SCAMP2: variants seen among roughly 807,000 people sequenced by gnomAD.
The protein encoded by SCAMP2 is secretory carrier membrane protein 2, also known as secretory carrier-associated membrane protein 2.
SCAMP2 carries 25 observed loss-of-function variants against 44.1 expected under a neutral mutation model. The ratio of observed to expected loss-of-function variants is 0.57; its 90% CI spans 0.41 to 0.79. SCAMP2 has a LOEUF of 0.79. Ranked by LOEUF, SCAMP2 falls within the 30% of genes least tolerant of loss-of-function variation. The pLI is 0.00. For synonymous variants in SCAMP2, 156 were observed against 166.0 expected, an observed-to-expected ratio of 0.94 and a Z score of 0.46; for missense variants, 355 against 411.0, an observed-to-expected ratio of 0.86 and a Z score of 1.18.
At chr15:74,867,400 C>T (rs939817036) in intron 1 of SCAMP2, among the ~76,000 whole-genome samples, 1 of 152,240 alleles carries the variant, frequency 6.6e-6, no homozygotes, top group Non-Finnish European at 1.5e-5. Context: ...GTTCACCTAT[C>T]TCTCTACCCA....
In SCAMP2 at chr15:74,852,158, A is replaced by G; in HGVS notation, c.254T>C (p.Leu85Pro). The stretch of plus-strand genomic sequence containing the variant: ...GTCCAGTTCTTCCTGCTGCCGGAGC[A>G]GGCCTGCCTGGGCTGCAGACACCAC... ...QAVVSAAQAG[L>P]LRQQEELDRK... The change falls in exon 4 of 9, where the codon CTG (leucine) becomes CCG (proline). Residue 85 changes from leucine (L) to proline (P), a missense_variant. Physicochemically the swap from Leu to Pro is moderately conservative, Grantham distance 98. Coordinates refer to ENST00000268099, the MANE Select transcript of SCAMP2 (RefSeq NM_005697.5). The G allele has an allele frequency of 6.3e-7, 1 of 1,575,276 alleles. No individual in the cohort carries two copies. Among genetic ancestry groups the G allele is most frequent in the East Asian group, 2.4e-5 (1 of 41,420 alleles).
intron 1 of SCAMP2, 120 bp downstream of exon 1, chr15:74,873,079 C>G (rs1032797712): frequency 2.3e-6 from 2 of 866,698 alleles, no homozygotes; most frequent in Admixed American, 8.5e-5. Flanking sequence ...AGCCCGCTCT[C>G]CCATTGGGCA....
In SCAMP2 at chr15:74,871,901, C is replaced by T. The variant is rs190569825; in HGVS notation, c.57+1298G>A. Among the ~76,000 whole-genome samples the T allele has an allele frequency of 4.6e-3, 672 of 146,862 alleles. 3 individuals are homozygous for T. The highest frequency in any genetic ancestry group is 7.6e-3 in the Non-Finnish European group (504 of 66,608). On this transcript the variant is annotated intron_variant, in intron 1 of 8. Coordinates refer to ENST00000268099, the MANE Select transcript of SCAMP2 (RefSeq NM_005697.5). ...CTCTACTAAAAATACAAAAATTAGC[C>T]GGGTGTGGTGGTGCACACCTGTAAT...
chr15:74,865,785 C>CAA (rs768984095), intron 1 of SCAMP2, among the ~76,000 whole-genome samples: 41,014 of 90,488 alleles, frequency 0.45, 11,015 homozygotes, highest in Non-Finnish European at 0.53. Flanking sequence ...CTCATTTCTC[C>CAA]AAAAAAAAAA....
intron 2 of SCAMP2, among the ~76,000 whole-genome samples, 161 bp downstream of exon 2, chr15:74,854,420 T>C (rs562411054): frequency 6.6e-6 from 1 of 152,310 alleles, no homozygotes; most frequent in South Asian, 2.1e-4. Context: ...TTTGGTGGCT[T>C]TGCCATCCTT....
chr15:74,845,619 G>T, intron 7 of SCAMP2, 26 bp from the exon 8 acceptor site: 1 of 1,612,626 alleles, frequency 6.2e-7, no homozygotes, highest in Non-Finnish European at 8.5e-7. Context: ...GAGGCCAGAG[G>T]GAGCAAAGTG....
chr15:74,858,789 C>T (rs1285806875), intron 1 of SCAMP2, among the ~76,000 whole-genome samples: 3 of 149,516 alleles, frequency 2.0e-5, no homozygotes, highest in African/African-American at 7.4e-5. Flanking sequence ...TTCCTTCTTT[C>T]CTTCAAAGAG....
At chr15:74,862,847 AAAC>A (rs1392019281) in intron 1 of SCAMP2, among the ~76,000 whole-genome samples, 7 of 103,234 alleles carry the variant, frequency 6.8e-5, no homozygotes, top group Non-Finnish European at 1.3e-4. Context: ...AACAAAAAAC[AAAC>A]CATACACACA....
intron 7 of SCAMP2, among the ~76,000 whole-genome samples, chr15:74,846,323 T>C (rs977614177): frequency 7.3e-5 from 11 of 151,506 alleles, no homozygotes; most frequent in African/African-American, 2.7e-4. Context: ...TACATGCCTA[T>C]GCTCCCAGCT....
At chr15:74,869,856 A>G (rs1295275488) in intron 1 of SCAMP2, among the ~76,000 whole-genome samples, 3 of 152,100 alleles carry the variant, frequency 2.0e-5, no homozygotes, top group Non-Finnish European at 4.4e-5. Context: ...CTCTCTCCTG[A>G]GCTTGGTGCC....
rs370666458 is a variant in SCAMP2, at chr15:74,854,149, G to A, written c.127-30C>T. Reference sequence around the variant, plus strand: ...ATGGAACAAATCAAAAGACAGAATTGAGTGGGACTCCATTAGCTGGTGACG... The same window carrying A: ...ATGGAACAAATCAAAAGACAGAATTAAGTGGGACTCCATTAGCTGGTGACG... On this transcript the variant is annotated intron_variant, in intron 2 of 8. Coordinates refer to ENST00000268099, the MANE Select transcript of SCAMP2 (RefSeq NM_005697.5). The A allele has an allele frequency of 8.8e-6, 14 of 1,588,670 alleles. No homozygotes were observed. The Admixed American group carries it at 1.7e-4, about 19-fold the overall frequency.
chr15:74,859,103 G>A (rs958121215), intron 1 of SCAMP2, among the ~76,000 whole-genome samples: 4 of 151,998 alleles, frequency 2.6e-5, no homozygotes, highest in Non-Finnish European at 4.4e-5. Context: ...CACCATGCCC[G>A]GTCCTAACTG....
Position 74,851,797 on chromosome 15 carries a change from A to T in SCAMP2, c.343+272T>A, listed in dbSNP as rs1567250172. The stretch of plus-strand genomic sequence containing the variant: ...ACTCAGTTCATCATCATTAGCAAGG[A>T]ATTGTGGGACCAAAGCCCCTATGCT... On this transcript the variant is annotated intron_variant, in intron 4 of 8. Coordinates refer to ENST00000268099, the MANE Select transcript of SCAMP2 (RefSeq NM_005697.5). 6.6e-6 allele frequency: 3 copies of T among 453,462 alleles called. No homozygotes were observed. In the South Asian group the frequency reaches 1.5e-4, roughly 22 times the overall value. The allele number at this position is 453,462 out of a possible 1,614,324, so 28.1% of individuals were successfully genotyped here.
chr15:74,851,463 G>A lies in SCAMP2; in HGVS notation c.362C>T (p.Pro121Leu), dbSNP rs2064435156. 3 of 1,613,822 alleles carry A rather than the reference G, an allele frequency of 1.9e-6. No homozygotes were observed. The highest frequency in any genetic ancestry group is 2.5e-6 in the Non-Finnish European group (3 of 1,179,862). ...ANLHVRQNNWPPLPSWCPVKP... is the reference protein window; with the variant it reads ...ANLHVRQNNWLPLPSWCPVKP... Reference sequence around the variant, plus strand: ...CACAGGGCACCACGAGGGCAGAGGGGGCCAGTTGTTCTGTCTCACTGGGTA... The same window carrying A: ...CACAGGGCACCACGAGGGCAGAGGGAGCCAGTTGTTCTGTCTCACTGGGTA... Residue 121 changes from proline (P) to leucine (L), a missense_variant, in exon 5 of 9, where the codon CCC (proline) becomes CTC (leucine). Pro to Leu is a moderately conservative substitution (Grantham distance 98). Transcript: ENST00000268099.
At chr15:74,865,499 C>T (rs926855666) in intron 1 of SCAMP2, among the ~76,000 whole-genome samples, 5 of 151,580 alleles carry the variant, frequency 3.3e-5, no homozygotes, top group African/African-American at 4.8e-5. Context: ...GGAGAGGATC[C>T]GAGAAGATAT....
At chr15:74,852,245 G>A in intron 3 of SCAMP2, 59 bp from the exon 4 acceptor site, 1 of 1,259,352 alleles carries the variant, frequency 7.9e-7, no homozygotes, top group Non-Finnish European at 1.0e-6. Context: ...AACAGTGTCA[G>A]CCTGGGTAGG....
chr15:74,871,417 G>A lies in SCAMP2; in HGVS notation c.57+1782C>T, dbSNP rs117041386. Among the ~76,000 whole-genome samples the A allele has an allele frequency of 8.3e-3, 1,266 of 152,098 alleles. 41 individuals are homozygous for A. The highest frequency in any genetic ancestry group is 0.054 in the Admixed American group (823 of 15,268). On this transcript the variant is annotated intron_variant, in intron 1 of 8. Transcript: ENST00000268099. Reference sequence around the variant, plus strand: ...GGTCAAGGCTGCCATGACCTCCACTGTGCTACAGCCTGGGCGACAGAGTGA... The same window carrying A: ...GGTCAAGGCTGCCATGACCTCCACTATGCTACAGCCTGGGCGACAGAGTGA...
chr15:74,850,339 G>A (rs893189175), intron 6 of SCAMP2, among the ~76,000 whole-genome samples, 175 bp downstream of exon 6: 16 of 152,112 alleles, frequency 1.1e-4, no homozygotes, highest in South Asian at 1.0e-3. Context: ...ACTGAGGAAC[G>A]GGGCCCCCAA....
At chr15:74,868,874 G>A (rs1454845752) in intron 1 of SCAMP2, among the ~76,000 whole-genome samples, 1 of 152,200 alleles carries the variant, frequency 6.6e-6, no homozygotes, top group Non-Finnish European at 1.5e-5. Flanking sequence ...AAAACAAACA[G>A]GCTGGGCACA....
Sources: allele counts gnomAD v4.1 joint callset (sites outside exome capture counted in the v4.1 genomes callset), GRCh38; gene constraint gnomAD v4.1.1; transcripts MANE v1.5; gene names NCBI Gene and HGNC (gene_info 2026-07-23, HGNC 2026-07-21).